DLGAP2: variants seen among roughly 807,000 people sequenced by gnomAD.
The protein encoded by DLGAP2 is DLG associated protein 2.
DLGAP2 carries 26 observed loss-of-function variants against 100.3 expected under a neutral mutation model. The ratio of observed to expected loss-of-function variants is 0.26; its 90% confidence interval spans 0.19 to 0.36. The LOEUF (loss-of-function observed/expected upper bound fraction) is 0.36, where lower values mean the gene tolerates loss of function less well. Among genes scored for constraint, DLGAP2 ranks in the 10% least tolerant of loss-of-function variants. DLGAP2 has a pLI of 1.00. For synonymous variants in DLGAP2, 886 were observed against 630.1 expected (o/e 1.41, Z -6.08); for missense variants, 1,858 against 1,453.2 (o/e 1.28, Z -4.53).
intron 5 of DLGAP2, among the ~76,000 whole-genome samples, chr8:1,555,328 G>A (rs536498418): frequency 3.3e-5 from 5 of 152,118 alleles, no homozygotes; most frequent in Non-Finnish European, 5.9e-5. Context: ...GAGACAAAGC[G>A]GTGACCTCCG....
At chr8:1,303,400 A>T (rs535943033) in intron 3 of DLGAP2, among the ~76,000 whole-genome samples, 241 of 90,606 alleles carry the variant, frequency 2.7e-3, no homozygotes, top group African/African-American at 0.012. Context: ...CCGTCTCAAA[A>T]ACAAAAAAAA....
chr8:1,266,025 T>C lies in DLGAP2; in HGVS notation c.106+7142T>C, dbSNP rs144014154. The stretch of plus-strand genomic sequence containing the variant: ...CAAGATATGCAAAGAAAAAAATGAT[T>C]ACAAGGAGAAACCAACAAATGAAAA... On this transcript the variant is annotated intron_variant, in intron 3 of 14. Transcript: ENST00000637795. 2.0e-3 allele frequency among the ~76,000 whole-genome samples: 304 copies of C among 152,276 alleles called. 2 individuals carry two copies. The highest frequency in any genetic ancestry group is 7.5e-3 in the Admixed American group (114 of 15,300).
chr8:1,408,622 C>T (rs559143225), intron 3 of DLGAP2, among the ~76,000 whole-genome samples: 3 of 152,158 alleles, frequency 2.0e-5, no homozygotes, highest in Non-Finnish European at 4.4e-5. Flanking sequence ...CTGGAGCAGG[C>T]AACATGGATT....
intron 3 of DLGAP2, among the ~76,000 whole-genome samples, chr8:1,332,060 C>T (rs1337052622): frequency 6.6e-6 from 1 of 152,214 alleles, no homozygotes. Flanking sequence ...GTGCAGCCCT[C>T]TGTGAGGGGT....
chr8:1,262,737 C>T (rs546589976), intron 3 of DLGAP2, among the ~76,000 whole-genome samples: 4 of 152,104 alleles, frequency 2.6e-5, no homozygotes, highest in Non-Finnish European at 4.4e-5. Flanking sequence ...AGCAAAAATC[C>T]GTGTGCGATA....
chr8:1,136,355 C>T (rs567519074), intron 2 of DLGAP2, among the ~76,000 whole-genome samples: 47 of 152,318 alleles, frequency 3.1e-4, no homozygotes, highest in Middle Eastern at 3.4e-3. Flanking sequence ...TCAGATGCCC[C>T]GCAGCCTGTC....
chr8:1,043,179 GGGTGGTGGGTGTT>G (rs1261873475), intron 2 of DLGAP2, among the ~76,000 whole-genome samples: 5 of 126,986 alleles, frequency 3.9e-5, no homozygotes, highest in Non-Finnish European at 5.2e-5. Flanking sequence ...TGGTGGGTGT[GGGTGGTGGGTGTT>G]GGTGGTGGAT....
intron 1 of DLGAP2, among the ~76,000 whole-genome samples, chr8:786,779 G>C (rs1424204929): frequency 2.4e-4 from 37 of 152,046 alleles, no homozygotes; most frequent in Non-Finnish European, 2.1e-4. Context: ...AATGGTATGA[G>C]TTGGAAGCAT....
At chr8:774,581 C>G (rs1243336533) in intron 1 of DLGAP2, among the ~76,000 whole-genome samples, 1 of 149,540 alleles carries the variant, frequency 6.7e-6, no homozygotes, top group Admixed American at 6.7e-5. Flanking sequence ...AGCCAGTTTT[C>G]CCAGCACCAT....
chr8:1,488,826 A>T (rs1799296574), intron 3 of DLGAP2, among the ~76,000 whole-genome samples: 3 of 152,116 alleles, frequency 2.0e-5, no homozygotes, highest in Non-Finnish European at 4.4e-5. Flanking sequence ...TCCAGAGATC[A>T]CCCCAGGCTG....
chr8:1,527,196 C>T (rs916504102), intron 4 of DLGAP2, among the ~76,000 whole-genome samples: 50 of 152,376 alleles, frequency 3.3e-4, no homozygotes, highest in African/African-American at 1.2e-3. Context: ...GTGTGCACCT[C>T]GTCCTCTTGT....
intron 6 of DLGAP2, among the ~76,000 whole-genome samples, chr8:1,575,753 A>G (rs1167443668): frequency 6.6e-6 from 1 of 151,398 alleles, no homozygotes; most frequent in Non-Finnish European, 1.5e-5. Flanking sequence ...TTTGCTCAGA[A>G]TGATGGTTTC....
At chr8:1,638,540 G>T (rs958687882) in intron 8 of DLGAP2, among the ~76,000 whole-genome samples, 1 of 152,148 alleles carries the variant, frequency 6.6e-6, no homozygotes, top group East Asian at 1.9e-4. Flanking sequence ...CGGCCCGGCC[G>T]TACTGCAGAA....
intron 3 of DLGAP2, among the ~76,000 whole-genome samples, chr8:1,344,612 C>G (rs1319472260): frequency 4.6e-5 from 7 of 152,188 alleles, no homozygotes; most frequent in Non-Finnish European, 1.0e-4. Flanking sequence ...CCTCTGTGTT[C>G]AGGAAAACCC....
chr8:1,011,161 G>A (rs1235789249), intron 2 of DLGAP2, among the ~76,000 whole-genome samples: 2 of 150,566 alleles, frequency 1.3e-5, no homozygotes, highest in Admixed American at 1.3e-4. Flanking sequence ...CTGGAATGAG[G>A]GGTCTTAGTC....
intron 2 of DLGAP2, among the ~76,000 whole-genome samples, chr8:936,442 G>T (rs1477888895): frequency 6.6e-6 from 1 of 152,188 alleles, no homozygotes; most frequent in East Asian, 1.9e-4. Context: ...AGAACTTAAT[G>T]CCTAGGGAGG....
intron 6 of DLGAP2, among the ~76,000 whole-genome samples, chr8:1,590,639 A>G (rs1335013494): frequency 6.6e-6 from 1 of 152,204 alleles, no homozygotes; most frequent in East Asian, 1.9e-4. Context: ...TGTACTCCAC[A>G]CTCTCAAATT....
chr8:1,017,665 C>T (rs373817522), intron 2 of DLGAP2, among the ~76,000 whole-genome samples: 42 of 151,998 alleles, frequency 2.8e-4, no homozygotes, highest in African/African-American at 9.7e-4. Flanking sequence ...TGTGTGTGAC[C>T]AGGAGCCTTT....
At chr8:1,682,327 C>G (rs563351875) in intron 12 of DLGAP2, among the ~76,000 whole-genome samples, 2 of 152,196 alleles carry the variant, frequency 1.3e-5, no homozygotes, top group Non-Finnish European at 2.9e-5. Flanking sequence ...AGTGCTGAGG[C>G]CCTGTCATGG....
Sources: allele counts gnomAD v4.1 joint callset (sites outside exome capture counted in the v4.1 genomes callset), GRCh38; gene constraint gnomAD v4.1.1; transcripts MANE v1.5; gene names NCBI Gene and HGNC (gene_info 2026-07-23, HGNC 2026-07-21).